SUPT3H: variants seen among roughly 807,000 people sequenced by gnomAD.
SUPT3H encodes transcription initiation protein SPT3 homolog.
A neutral mutation model predicts 44.3 loss-of-function variants in SUPT3H; 44 were observed. The observed-to-expected ratio is 0.99, with a 90% confidence interval of 0.78 to 1.28. SUPT3H has a LOEUF of 1.28. Among genes scored for constraint, SUPT3H ranks in the 50% most tolerant of loss-of-function variants. The pLI, the probability that SUPT3H is intolerant of heterozygous loss-of-function variation, is 0.00. For missense variants in SUPT3H, 380 were observed against 387.1 expected, an observed-to-expected ratio of 0.98 and a Z score of 0.15; for synonymous variants, 124 against 125.6, an observed-to-expected ratio of 0.99 and a Z score of 0.09.
At chr6:45,306,018 A>C (rs2149957313) in intron 2 of SUPT3H, among the ~76,000 whole-genome samples, 1 of 152,304 alleles carries the variant, frequency 6.6e-6, no homozygotes, top group African/African-American at 2.4e-5. Context: ...ATCTCCACTG[A>C]TGTGTTCACA....
intron 2 of SUPT3H, among the ~76,000 whole-genome samples, chr6:45,214,033 A>AAAC (rs1554288452): frequency 6.6e-6 from 1 of 150,644 alleles, no homozygotes; most frequent in African/African-American, 2.4e-5. Context: ...AAAAAAAAAA[A>AAAC]AACAAGTCAA....
intron 2 of SUPT3H, among the ~76,000 whole-genome samples, chr6:45,242,129 G>A (rs1770469888): frequency 6.6e-6 from 1 of 152,138 alleles, no homozygotes; most frequent in Non-Finnish European, 1.5e-5. Flanking sequence ...TAAAATACAT[G>A]AAATAACTGG....
intron 3 of SUPT3H, among the ~76,000 whole-genome samples, chr6:45,092,637 C>T (rs1407236516): frequency 6.6e-6 from 1 of 151,132 alleles, no homozygotes; most frequent in Non-Finnish European, 1.5e-5. Flanking sequence ...GTAATCCCAG[C>T]TACTTGGGGG....
chr6:45,142,803 ATCTACTGTCT>A (rs1349375117), intron 2 of SUPT3H, among the ~76,000 whole-genome samples: 1 of 150,666 alleles, frequency 6.6e-6, no homozygotes, highest in African/African-American at 2.4e-5. Context: ...CTAACCAAGT[ATCTACTGTCT>A]TCAAGAGACT....
chr6:44,858,624 C>T (rs915041195), intron 10 of SUPT3H, among the ~76,000 whole-genome samples: 2 of 152,190 alleles, frequency 1.3e-5, no homozygotes, highest in African/African-American at 2.4e-5. Context: ...GTTTGACCTA[C>T]ATAAATGGCA....
At chr6:45,199,396 T>G (rs1207586963) in intron 2 of SUPT3H, among the ~76,000 whole-genome samples, 3 of 151,228 alleles carry the variant, frequency 2.0e-5, no homozygotes, top group African/African-American at 7.2e-5. Context: ...ATCTCCACAA[T>G]TCTGCAGCAC....
chr6:45,362,609 T>C (rs1032825430), intron 2 of SUPT3H, among the ~76,000 whole-genome samples: 1 of 152,158 alleles, frequency 6.6e-6, no homozygotes, highest in Non-Finnish European at 1.5e-5. Context: ...TTCCCTGTTC[T>C]ATAAAGAAAT....
At chr6:45,341,122 T>C (rs1018286114) in intron 2 of SUPT3H, among the ~76,000 whole-genome samples, 1 of 152,208 alleles carries the variant, frequency 6.6e-6, no homozygotes, top group Non-Finnish European at 1.5e-5. Flanking sequence ...TGACATGTAC[T>C]ATTCACCCCA....
chr6:44,996,152 A>C (rs1781238434), intron 6 of SUPT3H, among the ~76,000 whole-genome samples: 1 of 151,838 alleles, frequency 6.6e-6, no homozygotes, highest in African/African-American at 2.4e-5. Context: ...AATGCTTCTA[A>C]CTGAATTGAT....
intron 3 of SUPT3H, among the ~76,000 whole-genome samples, chr6:45,064,727 T>C (rs1278619525): frequency 1.5e-5 from 2 of 137,568 alleles, no homozygotes; most frequent in Admixed American, 7.3e-5. Context: ...CATTACATAA[T>C]GGTAAAGGGA....
At chr6:44,953,968 C>A (rs1240120710) in intron 8 of SUPT3H, among the ~76,000 whole-genome samples, 1 of 152,072 alleles carries the variant, frequency 6.6e-6, no homozygotes, top group Non-Finnish European at 1.5e-5. Context: ...GAACTCCTGA[C>A]TGCAGGTGAT....
intron 2 of SUPT3H, among the ~76,000 whole-genome samples, chr6:45,151,310 T>C (rs768039271): frequency 1.3e-5 from 2 of 152,168 alleles, no homozygotes; most frequent in Admixed American, 6.6e-5. Context: ...ACTATTCTAA[T>C]TGGCTAATTT....
intron 3 of SUPT3H, among the ~76,000 whole-genome samples, chr6:45,047,992 G>A (rs745935353): frequency 8.0e-5 from 12 of 150,886 alleles, no homozygotes; most frequent in Admixed American, 4.0e-4. Flanking sequence ...TTACATCATC[G>A]CCAAGGCTTT....
intron 2 of SUPT3H, among the ~76,000 whole-genome samples, chr6:45,222,051 G>C (rs1766149630): frequency 6.6e-6 from 1 of 151,944 alleles, no homozygotes; most frequent in Admixed American, 6.6e-5. Context: ...TCAACAAATA[G>C]TGATGGAGCA....
chr6:45,271,504 G>A (rs1486976358), intron 2 of SUPT3H, among the ~76,000 whole-genome samples: 1 of 152,142 alleles, frequency 6.6e-6, no homozygotes, highest in East Asian at 1.9e-4. Context: ...TTGAGCCTGT[G>A]GGTGCACAGA....
chr6:45,218,730 G>A (rs542321387), intron 2 of SUPT3H, among the ~76,000 whole-genome samples: 8 of 152,100 alleles, frequency 5.3e-5, no homozygotes, highest in Admixed American at 6.5e-5. Context: ...GCAAAACTCC[G>A]TCTCAAAAAA....
rs200632649 is a variant in SUPT3H, at chr6:45,117,801, C to T, written c.102-11795G>A. On this transcript the variant is annotated intron_variant, in intron 2 of 10. Coordinates refer to ENST00000371459, the MANE Select transcript of SUPT3H (RefSeq NM_003599.4). Reference sequence around the variant, plus strand: ...TTCCAGTTGTACTACATAATATATTCCATTAGTTTCTTCACAAAGGGCTTT... The same window carrying T: ...TTCCAGTTGTACTACATAATATATTTCATTAGTTTCTTCACAAAGGGCTTT... Among the ~76,000 whole-genome samples the T allele has an allele frequency of 5.3e-5, 8 of 152,134 alleles. No individual in the cohort carries two copies. The East Asian group carries it at 9.7e-4, about 18-fold the overall frequency.
intron 6 of SUPT3H, among the ~76,000 whole-genome samples, chr6:44,976,759 C>T (rs1778398480): frequency 6.6e-6 from 1 of 152,078 alleles, no homozygotes; most frequent in Non-Finnish European, 1.5e-5. Flanking sequence ...GTGTGAAAAT[C>T]TTTGAATTAT....
intron 10 of SUPT3H, among the ~76,000 whole-genome samples, chr6:44,898,149 G>A (rs1418271997): frequency 6.6e-6 from 1 of 152,162 alleles, no homozygotes; most frequent in South Asian, 2.1e-4. Context: ...AAGTAGAAAT[G>A]ATCTCTTATC....
Sources: allele counts gnomAD v4.1 joint callset (sites outside exome capture counted in the v4.1 genomes callset), GRCh38; gene constraint gnomAD v4.1.1; transcripts MANE v1.5; gene names NCBI Gene and HGNC (gene_info 2026-07-23, HGNC 2026-07-21).